FAP: variants seen among roughly 807,000 people sequenced by gnomAD.
FAP encodes the protein prolyl endopeptidase FAP.
In FAP, 110 loss-of-function variants were observed where a neutral mutation model predicts 126.5. That is an observed-to-expected ratio of 0.87 (90% CI 0.74 to 1.02). The LOEUF is 1.02. Ranked by LOEUF, FAP falls within the 50% of genes least tolerant of loss-of-function variation. The probability of loss-of-function intolerance (pLI) is 0.00; values close to 1 mark genes in which losing one functional copy is unlikely to be tolerated. For missense variants in FAP, 919 were observed against 909.2 expected, an observed-to-expected ratio of 1.01 and a Z score of -0.14; for synonymous variants, 334 against 297.3, an observed-to-expected ratio of 1.12 and a Z score of -1.27.
At chr2:162,234,499 A>C (rs1162414455) in intron 2 of FAP, among the ~76,000 whole-genome samples, 14 of 152,220 alleles carry the variant, frequency 9.2e-5, no homozygotes, top group Non-Finnish European at 2.1e-4. Context: ...GGATTTCTAC[A>C]AACAAGATTG....
At chr2:162,236,624 G>T (rs1261256281) in intron 2 of FAP, among the ~76,000 whole-genome samples, 2 of 151,796 alleles carry the variant, frequency 1.3e-5, no homozygotes, top group Admixed American at 6.6e-5. Context: ...TGGTGGGGGG[G>T]CAGGGAGACA....
chr2:162,229,969 A>G (rs1402441086), intron 2 of FAP, among the ~76,000 whole-genome samples: 1 of 152,198 alleles, frequency 6.6e-6, no homozygotes, highest in Non-Finnish European at 1.5e-5. Context: ...TATGAATAAC[A>G]TATCCAGATA....
At chr2:162,234,204 T>C (rs1453624050) in intron 2 of FAP, among the ~76,000 whole-genome samples, 3 of 152,200 alleles carry the variant, frequency 2.0e-5, no homozygotes, top group African/African-American at 7.2e-5. Context: ...TGCATTTTTG[T>C]ATGAATTTTA....
At chr2:162,237,047 A>G (rs1690164025) in intron 2 of FAP, among the ~76,000 whole-genome samples, 2 of 152,334 alleles carry the variant, frequency 1.3e-5, no homozygotes, top group South Asian at 2.1e-4. Context: ...GGGAATAAAT[A>G]TTAATAAGTA....
At chr2:162,189,468 A>G (rs540710995) in intron 18 of FAP, among the ~76,000 whole-genome samples, 188 bp downstream of exon 18, 74 of 152,128 alleles carry the variant, frequency 4.9e-4, no homozygotes, top group Non-Finnish European at 8.2e-4. Context: ...AAGATCAACC[A>G]TGTTCACAAA....
intron 22 of FAP, 50 bp downstream of exon 22, chr2:162,174,817 T>C: frequency 7.8e-7 from 1 of 1,281,858 alleles, no homozygotes; most frequent in Non-Finnish European, 1.1e-6. Flanking sequence ...AGATATAGAG[T>C]AATTACGTGT....
chr2:162,204,067 A>T (rs1350575628), intron 12 of FAP, among the ~76,000 whole-genome samples: 1 of 152,172 alleles, frequency 6.6e-6, no homozygotes, highest in Non-Finnish European at 1.5e-5. Flanking sequence ...AGCAGATTTA[A>T]AGCCAGCTCT....
chr2:162,188,246 G>A lies in FAP; in HGVS notation c.1737C>T (p.Phe579=), dbSNP rs1687920130. 2 of 1,613,258 alleles carry A rather than the reference G, an allele frequency of 1.2e-6. No individual in the cohort carries two copies. Among genetic ancestry groups the A allele is most frequent in the South Asian group, 1.1e-5 (1 of 91,048 alleles). The change falls in exon 20 of 26, where the codon TTC becomes TTT. Residue 579 remains phenylalanine (F), a synonymous_variant. Transcript: ENST00000188790. ...CTGCATAGAGGAGTTTGTCACCTTG[G>A]AAAGCTGTTCCTCGACCATCCACCA... ...IALVDGRGTA[F]QGDKLLYAVY... is the part of the protein sequence containing the mutation.
chr2:162,197,296 C>G (rs893819917), intron 16 of FAP, among the ~76,000 whole-genome samples: 2 of 152,134 alleles, frequency 1.3e-5, no homozygotes, highest in Non-Finnish European at 2.9e-5. Context: ...AAGAATGTAG[C>G]CCCTGCCTTC....
At chr2:162,225,284 A>T (rs892488525) in intron 4 of FAP, among the ~76,000 whole-genome samples, 199 bp downstream of exon 4, 3 of 152,140 alleles carry the variant, frequency 2.0e-5, no homozygotes, top group Admixed American at 6.5e-5. Flanking sequence ...AAAGAGGAGG[A>T]AAGATGCTAG....
intron 14 of FAP, among the ~76,000 whole-genome samples, chr2:162,202,496 A>G (rs1041304217): frequency 6.6e-6 from 1 of 152,266 alleles, no homozygotes; most frequent in African/African-American, 2.4e-5. Flanking sequence ...TTAAACTTAT[A>G]TAACAATGAA....
In FAP at chr2:162,173,887, A is replaced by G. The variant is rs1013106403; in HGVS notation, c.1970-100T>C. ...TTAATAACTGTTTCTCAATTTTCCC[A>G]TCTTGAGCTCTTGAGGTAAATTCTT... On this transcript the variant is annotated intron_variant, in intron 22 of 25. Coordinates refer to ENST00000188790, the MANE Select transcript of FAP (RefSeq NM_004460.5). 1.7e-5 allele frequency: 14 copies of G among 835,398 alleles called. No individual in the cohort carries two copies. In the East Asian group the frequency reaches 2.0e-4, roughly 12 times the overall value. The allele number at this position is 835,398 out of a possible 1,614,324, so 51.7% of individuals were successfully genotyped here. A position where few individuals can be genotyped will look rare whatever the true frequency, so the allele number is the denominator to read the frequency against.
intron 1 of FAP, 72 bp from the exon 2 acceptor site, chr2:162,243,064 A>G: frequency 8.1e-7 from 1 of 1,230,922 alleles, no homozygotes; most frequent in South Asian, 1.3e-5. Flanking sequence ...GATTTTGTTT[A>G]CACCTAAATC....
chr2:162,241,217 A>G (rs1486675315), intron 2 of FAP, among the ~76,000 whole-genome samples: 1 of 152,224 alleles, frequency 6.6e-6, no homozygotes, highest in African/African-American at 2.4e-5. Flanking sequence ...CACCCTATCA[A>G]GAAATCACTT....
chr2:162,203,933 T>C (rs1410693079), intron 12 of FAP, among the ~76,000 whole-genome samples: 3 of 152,222 alleles, frequency 2.0e-5, no homozygotes, highest in African/African-American at 7.2e-5. Context: ...ATTTTTCCCA[T>C]TAAAAAATTA....
intron 21 of FAP, among the ~76,000 whole-genome samples, chr2:162,177,181 T>G (rs1687516324): frequency 6.6e-6 from 1 of 152,178 alleles, no homozygotes; most frequent in African/African-American, 2.4e-5. Flanking sequence ...ATTTTGTCCT[T>G]TGCACTTAGA....
chr2:162,235,309 G>A (rs757660186), intron 2 of FAP, among the ~76,000 whole-genome samples: 24 of 152,180 alleles, frequency 1.6e-4, no homozygotes, highest in Admixed American at 3.9e-4. Flanking sequence ...AGCGCATGGC[G>A]CGGGACTGGC....
In FAP at chr2:162,202,906, C is replaced by T. The variant is rs1209532789; in HGVS notation, c.1189G>A (p.Ala397Thr). ...TGTGTTACTCTGAATATATTTATGG[C>T]CTCCCACTTGCCACTTGTAATTTGA... ...AIQITSGKWE[A>T]INIFRVTQDS... is the part of the protein sequence containing the mutation. Residue 397 changes from alanine (A) to threonine (T), a missense_variant, in exon 14 of 26, where the codon GCC becomes ACC. Physicochemically the swap from Ala to Thr is moderately conservative, Grantham distance 58. Transcript: ENST00000188790. 6.2e-7 allele frequency: 1 copy of T among 1,613,716 alleles called. No homozygotes were observed. Among genetic ancestry groups the T allele is most frequent in the Admixed American group, 1.7e-5 (1 of 60,014 alleles).
At position 162,172,798 on chromosome 2, in the gene FAP, C is replaced by A. The variant is rs560417888; in HGVS notation, c.2181+13G>T. ...TCTAAGGCCATGAACATGAGTAAAA[C>A]AAAATTATGTACCATTGCCTGGAAA... is the stretch of plus-strand genomic sequence containing the variant. On this transcript the variant is annotated intron_variant, in intron 25 of 25. Coordinates refer to ENST00000188790, the MANE Select transcript of FAP (RefSeq NM_004460.5). 5.1e-5 allele frequency: 81 copies of A among 1,603,204 alleles called. No homozygotes were observed. In the East Asian group the frequency reaches 6.7e-4, roughly 13 times the overall value.
Sources: gnomAD v4.1 joint callset for allele counts (sites outside exome capture counted in the v4.1 genomes callset) on GRCh38, gnomAD v4.1.1 for gene constraint, MANE v1.5 for transcripts, NCBI Gene and HGNC (gene_info 2026-07-23, HGNC 2026-07-21) for gene names.